Variants in PRKDC observed in about 807,000 individuals in gnomAD.
The protein encoded by PRKDC is protein kinase, DNA-activated, catalytic subunit, also known as DNA-dependent protein kinase catalytic subunit.
PRKDC carries 82 observed loss-of-function variants against 486.9 expected under a neutral mutation model. That is an observed-to-expected ratio of 0.17 (90% CI 0.14 to 0.20). PRKDC has a LOEUF of 0.20. Among genes scored for constraint, PRKDC ranks in the 10% least tolerant of loss-of-function variants. The probability of loss-of-function intolerance (pLI) is 1.00; values close to 1 mark genes in which losing one functional copy is unlikely to be tolerated. For synonymous variants in PRKDC, 1,895 were observed against 1,837.0 expected (o/e 1.03, Z -0.81); for missense variants, 4,504 against 5,038.2 (o/e 0.89, Z 3.21).
intron 23 of PRKDC, 107 bp from the exon 24 acceptor site, chr8:47,914,171 T>A: frequency 1.0e-6 from 1 of 960,600 alleles, no homozygotes; most frequent in Non-Finnish European, 1.4e-6. Context: ...TACATTCTAT[T>A]AAAGTGAAGC....
intron 36 of PRKDC, among the ~76,000 whole-genome samples, chr8:47,882,962 A>G (rs1165986059): frequency 1.3e-5 from 2 of 152,150 alleles, no homozygotes; most frequent in African/African-American, 4.8e-5. Context: ...TTCTGTGGCA[A>G]CTCAGCTCTT....
At chr8:47,790,366 C>G (rs189037822) in intron 74 of PRKDC, among the ~76,000 whole-genome samples, 2 of 152,226 alleles carry the variant, frequency 1.3e-5, no homozygotes, top group East Asian at 3.9e-4. Context: ...TGAAAGATCT[C>G]TACAATGAAA....
intron 58 of PRKDC, among the ~76,000 whole-genome samples, chr8:47,835,331 T>G (rs1025317208): frequency 2.0e-5 from 3 of 152,176 alleles, no homozygotes; most frequent in Admixed American, 1.3e-4. Context: ...TTCCCTGATC[T>G]TTCTGGTCAG....
At chr8:47,820,991 T>G in intron 65 of PRKDC, 48 bp from the exon 66 acceptor site, 3 of 1,137,646 alleles carry the variant, frequency 2.6e-6, no homozygotes, top group Non-Finnish European at 3.7e-6. Context: ...CCAATTTGAG[T>G]ATGTCTAATT....
intron 37 of PRKDC, 129 bp downstream of exon 37, chr8:47,881,783 C>A: frequency 1.2e-6 from 1 of 808,450 alleles, no homozygotes; most frequent in Non-Finnish European, 1.9e-6. Context: ...TATAAGCAAC[C>A]ATCCTGTCAA....
intron 66 of PRKDC, among the ~76,000 whole-genome samples, chr8:47,820,323 C>T (rs2087558145): frequency 6.6e-6 from 1 of 152,046 alleles, no homozygotes; most frequent in African/African-American, 2.4e-5. Context: ...ATCACTTGAA[C>T]CAGATTGCGC....
At chr8:47,871,991 G>GT (rs2088963734) in intron 40 of PRKDC, among the ~76,000 whole-genome samples, 1 of 152,174 alleles carries the variant, frequency 6.6e-6, no homozygotes, top group Non-Finnish European at 1.5e-5. Flanking sequence ...ATAGAATATT[G>GT]TAACACTGTA....
intron 40 of PRKDC, among the ~76,000 whole-genome samples, chr8:47,872,501 T>TA (rs748681244): frequency 0.24 from 17,773 of 74,086 alleles, 1,937 homozygotes; most frequent in African/African-American, 0.38. Context: ...TATAAAAAAG[T>TA]AAAAAAAAAA....
rs766752735 is a variant in PRKDC, at chr8:47,858,834, G to A, written c.6345+15C>T. On this transcript the variant is annotated intron_variant, in intron 47 of 85. Coordinates refer to ENST00000314191, the MANE Select transcript of PRKDC (RefSeq NM_006904.7). ...TGAATATAGTATTAACAGGTAAGAT[G>A]AGTGGGAAAAGCACCTCTTCTCCTT... 6.2e-7 allele frequency: 1 copy of A among 1,611,332 alleles called. No homozygotes were observed. The highest frequency in any genetic ancestry group is 8.5e-7 in the Non-Finnish European group (1 of 1,178,054).
chr8:47,810,524 C>G (rs933133242), intron 68 of PRKDC, among the ~76,000 whole-genome samples: 1 of 152,124 alleles, frequency 6.6e-6, no homozygotes, highest in African/African-American at 2.4e-5. Flanking sequence ...ACTATATTCA[C>G]AAGTTACATT....
chr8:47,850,700 AG>A (rs1433023879), intron 52 of PRKDC, among the ~76,000 whole-genome samples: 1 of 152,266 alleles, frequency 6.6e-6, no homozygotes, highest in Non-Finnish European at 1.5e-5. Context: ...TAGCAAGTAA[AG>A]AAAGCAAGTT....
chr8:47,868,980 C>G (rs1467681567), intron 40 of PRKDC, among the ~76,000 whole-genome samples: 1 of 152,154 alleles, frequency 6.6e-6, no homozygotes, highest in African/African-American at 2.4e-5. Context: ...ACATTTAGAC[C>G]AGCCCTAATC....
intron 19 of PRKDC, 80 bp downstream of exon 19, chr8:47,929,012 A>T: frequency 8.9e-7 from 1 of 1,123,018 alleles, no homozygotes; most frequent in Non-Finnish European, 1.3e-6. Flanking sequence ...ATAATTATTT[A>T]TGATCACTAG....
chr8:47,861,849 C>T (rs2088684273), intron 44 of PRKDC, among the ~76,000 whole-genome samples: 1 of 152,224 alleles, frequency 6.6e-6, no homozygotes, highest in Non-Finnish European at 1.5e-5. Context: ...CTTTCCTACA[C>T]ATGTCAAGAG....
Position 47,823,981 on chromosome 8 carries a change from A to G in PRKDC, c.8799T>C (p.Ile2933=). ...WVELAKLYRS[I]GEYDVLRGIF... Reference sequence around the variant, plus strand: ...TCCCACGGAGGACGTCGTATTCTCCAATTGATCTATACAGCCTACAAAACA... The same window carrying G: ...TCCCACGGAGGACGTCGTATTCTCCGATTGATCTATACAGCCTACAAAACA... Residue 2933 remains isoleucine (I), a synonymous_variant, in exon 64 of 86, where the codon ATT becomes ATC. Transcript: ENST00000314191. 1 of 1,612,996 alleles carries G rather than the reference A, an allele frequency of 6.2e-7. No individual in the cohort carries two copies. The highest frequency in any genetic ancestry group is 8.5e-7 in the Non-Finnish European group (1 of 1,179,306).
chr8:47,930,048 T>G lies in PRKDC; in HGVS notation c.1893-36A>C, dbSNP rs763606649. 1.9e-5 allele frequency: 30 copies of G among 1,552,976 alleles called. No homozygotes were observed. The Admixed American group carries it at 5.6e-4, about 29-fold the overall frequency. ...AAATTAGAAATTGAAGGTAGAAATT[T>G]GTATCATTCTGATCTTAAAATTGTA... is the stretch of plus-strand genomic sequence containing the variant. On this transcript the variant is annotated intron_variant, in intron 17 of 85. Transcript: ENST00000314191.
Position 47,907,197 on chromosome 8 carries a change from C to T in PRKDC, c.2935-2221G>A, listed in dbSNP as rs567873389. On this transcript the variant is annotated intron_variant, in intron 25 of 85. Coordinates refer to ENST00000314191, the MANE Select transcript of PRKDC (RefSeq NM_006904.7). ...CTGGGACTACAGGCACCCGCCACCA[C>T]GCCCGGCTAATTTTCTGTACCTTTA... Among the ~76,000 whole-genome samples the T allele has an allele frequency of 2.5e-4, 38 of 151,266 alleles. No individual in the cohort carries two copies. In the South Asian group the frequency reaches 7.3e-3, roughly 29 times the overall value.
At chr8:47,832,123 G>C (rs1442916470) in intron 59 of PRKDC, among the ~76,000 whole-genome samples, 197 bp from the exon 60 acceptor site, 5 of 152,218 alleles carry the variant, frequency 3.3e-5, no homozygotes, top group African/African-American at 1.2e-4. Flanking sequence ...CGCTGAACGG[G>C]CCAGGCCCCT....
chr8:47,929,128 A>G lies in PRKDC; in HGVS notation c.2103T>C (p.Tyr701=). 1 of 1,577,994 alleles carries G rather than the reference A, an allele frequency of 6.3e-7. No individual in the cohort carries two copies. Among genetic ancestry groups the G allele is most frequent in the Non-Finnish European group, 8.6e-7 (1 of 1,159,930 alleles). Residue 701 remains tyrosine, a synonymous_variant, in exon 19 of 86, where the codon TAT becomes TAC. Coordinates refer to ENST00000314191, the MANE Select transcript of PRKDC (RefSeq NM_006904.7). ...LKHSPEDPEK[Y]SCFALFVKFG... is the part of the protein sequence containing the mutation. ...ATTTCACAAATAAAGCAAAGCAAGA[A>G]TACTTTTCTGGGTCTTCAGGAGAGT...
Sources: gnomAD v4.1 joint callset for allele counts (sites outside exome capture counted in the v4.1 genomes callset) on GRCh38, gnomAD v4.1.1 for gene constraint, MANE v1.5 for transcripts, NCBI Gene and HGNC (gene_info 2026-07-23, HGNC 2026-07-21) for gene names.